The following ELMO1 variants were observed in gnomAD, a reference collection of about 807,000 sequenced individuals.
ELMO1 encodes engulfment and cell motility 1.
In ELMO1, 26 loss-of-function variants were observed where a neutral mutation model predicts 98.9. The observed-to-expected ratio is 0.26, with a 90% CI of 0.19 to 0.36. The LOEUF is 0.36. ELMO1 is among the 10% of genes least tolerant of loss of function. ELMO1 has a pLI of 1.00. For synonymous variants in ELMO1, 346 were observed against 346.0 expected (o/e 1.00, Z 0.00); for missense variants, 627 against 935.2 (o/e 0.67, Z 4.30).
At chr7:37,066,386 G>GA in intron 15 of ELMO1, among the ~76,000 whole-genome samples, 1 of 152,162 alleles carries the variant, frequency 6.6e-6, no homozygotes, top group East Asian at 1.9e-4. Context: ...AGGCAAAACT[G>GA]AATCTCTCTC....
chr7:37,197,666 C>T (rs1164439331), intron 13 of ELMO1, among the ~76,000 whole-genome samples: 1 of 152,236 alleles, frequency 6.6e-6, no homozygotes, highest in Non-Finnish European at 1.5e-5. Context: ...AAGCAGGTAA[C>T]TGGATCACAG....
intron 13 of ELMO1, among the ~76,000 whole-genome samples, chr7:37,200,646 C>A (rs1353746240): frequency 6.6e-6 from 1 of 152,108 alleles, no homozygotes; most frequent in Non-Finnish European, 1.5e-5. Context: ...ATAGGCCACC[C>A]ACTTTCGCTT....
chr7:37,144,858 C>A (rs1462087508), intron 13 of ELMO1, among the ~76,000 whole-genome samples: 1 of 152,138 alleles, frequency 6.6e-6, no homozygotes, highest in Non-Finnish European at 1.5e-5. Flanking sequence ...CTGTTACCTG[C>A]CTGTCAGTTT....
intron 16 of ELMO1, among the ~76,000 whole-genome samples, chr7:36,934,184 C>T (rs574966533): frequency 3.3e-5 from 5 of 152,222 alleles, no homozygotes; most frequent in African/African-American, 1.2e-4. Flanking sequence ...CGGACTGTGG[C>T]GAACTAGGGC....
intron 1 of ELMO1, chr7:37,353,025 G>C (rs889670195): frequency 6.6e-6 from 1 of 152,146 alleles, no homozygotes; most frequent in South Asian, 2.1e-4. Flanking sequence ...TGGAAAACTG[G>C]TTCTACCTTA....
intron 15 of ELMO1, among the ~76,000 whole-genome samples, chr7:37,080,738 AC>A (rs1397940271): frequency 6.6e-6 from 1 of 150,588 alleles, no homozygotes; most frequent in South Asian, 2.1e-4. Context: ...GGTGTGAGTC[AC>A]TGTGCCCGGC....
chr7:37,120,446 C>T (rs182702756), intron 14 of ELMO1, among the ~76,000 whole-genome samples: 11 of 152,336 alleles, frequency 7.2e-5, no homozygotes, highest in African/African-American at 1.7e-4. Context: ...GCTTTTCTGA[C>T]GGTTTTAGCA....
In ELMO1 at chr7:37,365,249, AC is replaced by A. The variant is rs945195301; in HGVS notation, c.-73-22487del. ...AGAGAGAAGGGTCTTTCAAAAGGAC[AC>A]TGGAAAATAAAAGAGGTTGTTTTGC... is the stretch of plus-strand genomic sequence containing the variant. On this transcript the variant is annotated intron_variant, in intron 1 of 21. Coordinates refer to ENST00000310758, the MANE Select transcript of ELMO1 (RefSeq NM_014800.11). Among the ~76,000 whole-genome samples the A allele has an allele frequency of 6.3e-5, 7 of 110,336 alleles. No individual in the cohort carries two copies. In the Admixed American group the frequency reaches 7.7e-4, roughly 12 times the overall value. The allele number at this position is 110,336 out of a possible 152,430, so 72.4% of individuals were successfully genotyped here.
chr7:37,187,294 G>T (rs962303495), intron 13 of ELMO1, among the ~76,000 whole-genome samples: 9 of 152,116 alleles, frequency 5.9e-5, no homozygotes, highest in Non-Finnish European at 1.2e-4. Flanking sequence ...TGGTTGCCTG[G>T]GGCTGGGGAG....
chr7:37,102,102 C>T (rs747192019), intron 14 of ELMO1, among the ~76,000 whole-genome samples: 2 of 152,148 alleles, frequency 1.3e-5, no homozygotes, highest in Non-Finnish European at 2.9e-5. Context: ...TCAGGCAACT[C>T]CCCAGAATGA....
At chr7:37,395,903 A>T (rs1882075) in intron 1 of ELMO1, among the ~76,000 whole-genome samples, 1 of 151,512 alleles carries the variant, frequency 6.6e-6, no homozygotes, top group Admixed American at 6.6e-5. Flanking sequence ...TTTGATTAAC[A>T]GTGAGAAAAA....
intron 1 of ELMO1, among the ~76,000 whole-genome samples, chr7:37,429,025 TG>T (rs1322188704): frequency 6.3e-4 from 44 of 69,424 alleles, no homozygotes; most frequent in Non-Finnish European, 1.3e-3. Flanking sequence ...TGCAGGTTGT[TG>T]TTGTTGTTGT....
At chr7:37,385,550 T>C (rs1271499966) in intron 1 of ELMO1, among the ~76,000 whole-genome samples, 1 of 152,256 alleles carries the variant, frequency 6.6e-6, no homozygotes, top group African/African-American at 2.4e-5. Flanking sequence ...TCCCCTGTTT[T>C]ATTTTCTTGA....
intron 2 of ELMO1, among the ~76,000 whole-genome samples, chr7:37,326,133 G>A (rs974320042): frequency 1.3e-5 from 2 of 152,196 alleles, no homozygotes; most frequent in Non-Finnish European, 2.9e-5. Context: ...TTCTTGGAAA[G>A]CAAGTATTCT....
At chr7:36,924,892 A>G (rs1785415912) in intron 16 of ELMO1, among the ~76,000 whole-genome samples, 1 of 152,170 alleles carries the variant, frequency 6.6e-6, no homozygotes, top group Non-Finnish European at 1.5e-5. Context: ...CTCACTTTGC[A>G]TTCTGTGGAG....
chr7:37,056,041 G>T (rs142348556), intron 15 of ELMO1, among the ~76,000 whole-genome samples: 2 of 152,314 alleles, frequency 1.3e-5, no homozygotes, highest in East Asian at 3.9e-4. Context: ...TGTAAAGGCA[G>T]AATCCTACCC....
At chr7:36,931,334 T>A (rs182248480) in intron 16 of ELMO1, among the ~76,000 whole-genome samples, 23 of 152,306 alleles carry the variant, frequency 1.5e-4, no homozygotes, top group Admixed American at 1.5e-3. Context: ...GCATGGTGGC[T>A]CACGCCTGTA....
At chr7:37,259,401 G>A in intron 5 of ELMO1, 51 bp from the exon 6 acceptor site, 1 of 1,575,542 alleles carries the variant, frequency 6.3e-7, no homozygotes, top group Admixed American at 1.8e-5. Context: ...AACCACAACA[G>A]CAAAACAGAT....
chr7:37,384,909 A>T (rs764346922), intron 1 of ELMO1, among the ~76,000 whole-genome samples: 1 of 152,244 alleles, frequency 6.6e-6, no homozygotes, highest in Non-Finnish European at 1.5e-5. Flanking sequence ...AATTCGTTTG[A>T]GCTTGTGACC....
Sources: allele counts gnomAD v4.1 joint callset (sites outside exome capture counted in the v4.1 genomes callset), GRCh38; gene constraint gnomAD v4.1.1; transcripts MANE v1.5; gene names NCBI Gene and HGNC (gene_info 2026-07-23, HGNC 2026-07-21).